The following FRMD4A variants were observed in gnomAD, a reference collection of about 807,000 sequenced individuals.
FRMD4A encodes the protein FERM domain-containing protein 4A.
FRMD4A carries 29 observed loss-of-function variants against 129.1 expected under a neutral mutation model. The observed-to-expected ratio is 0.22, with a 90% CI of 0.17 to 0.31. The LOEUF is 0.31. Among genes scored for constraint, FRMD4A ranks in the 10% least tolerant of loss-of-function variants. The probability of loss-of-function intolerance (pLI) is 1.00; values close to 1 mark genes in which losing one functional copy is unlikely to be tolerated. For synonymous variants in FRMD4A, 634 were observed against 571.6 expected, an observed-to-expected ratio of 1.11 and a Z score of -1.56; for missense variants, 1,272 against 1,375.8, an observed-to-expected ratio of 0.92 and a Z score of 1.19.
chr10:14,031,465 A>C (rs1461494998), intron 2 of FRMD4A, among the ~76,000 whole-genome samples: 3 of 152,134 alleles, frequency 2.0e-5, no homozygotes, highest in African/African-American at 7.2e-5. Flanking sequence ...ATGGGGGTTC[A>C]CCATGTTGGT....
chr10:13,836,902 C>T (rs2093884120), intron 3 of FRMD4A, among the ~76,000 whole-genome samples: 1 of 152,038 alleles, frequency 6.6e-6, no homozygotes, highest in Non-Finnish European at 1.5e-5. Context: ...GGACTACAGG[C>T]ACCCGCCACC....
chr10:13,857,029 T>C (rs2094223361), intron 3 of FRMD4A, among the ~76,000 whole-genome samples: 1 of 152,172 alleles, frequency 6.6e-6, no homozygotes, highest in Non-Finnish European at 1.5e-5. Flanking sequence ...CTCACTCAAT[T>C]TGATGGTTTC....
chr10:14,202,856 T>A (rs979127923), intron 2 of FRMD4A, among the ~76,000 whole-genome samples: 5 of 152,176 alleles, frequency 3.3e-5, no homozygotes, highest in Non-Finnish European at 5.9e-5. Context: ...CAATGTAACC[T>A]TGACCTCCCA....
At chr10:14,239,326 T>G (rs1472649714) in intron 2 of FRMD4A, among the ~76,000 whole-genome samples, 1 of 152,192 alleles carries the variant, frequency 6.6e-6, no homozygotes, top group Admixed American at 6.5e-5. Flanking sequence ...AGAATTGTTC[T>G]TTTAAAACTG....
rs1396626308 is a variant in FRMD4A at position 13,666,242 on chromosome 10, G to A, written c.1458C>T (p.Pro486=). The change falls in exon 18 of 25, where the codon CCC becomes CCT. Residue 486 remains proline, a synonymous_variant. Coordinates refer to ENST00000357447, the MANE Select transcript of FRMD4A (RefSeq NM_018027.5). ...TEAARRLASD[P]NVSKKLKKQR... is the part of the protein sequence containing the mutation. ...GTTTCTTCAGTTTTTTGCTGACGTT[G>A]GGGTCACTGGCTAGGCGGCGGGCGG... 7 of 1,613,902 alleles carry A rather than the reference G, an allele frequency of 4.3e-6. No individual in the cohort carries two copies. In the East Asian group the frequency reaches 1.1e-4, roughly 26 times the overall value.
chr10:14,059,020 C>CAA lies in FRMD4A; in HGVS notation c.46-200110_46-200109dup, dbSNP rs143385808. The stretch of plus-strand genomic sequence containing the variant: ...CATTTGGATATAACTGAGGAGAAAA[C>CAA]AAAAAAAAATGCAAAGCATACCTTC... On this transcript the variant is annotated intron_variant, in intron 2 of 24. Transcript: ENST00000357447. Among the ~76,000 whole-genome samples, 6 of 149,334 alleles carry CAA rather than the reference C, an allele frequency of 4.0e-5. No individual in the cohort carries two copies. The East Asian group carries it at 9.8e-4, about 24-fold the overall frequency.
chr10:14,127,960 TTCTTTCTTTCTTTCTTTCCTTCTCTC>T (rs1302058608), intron 2 of FRMD4A, among the ~76,000 whole-genome samples: 5 of 31,950 alleles, frequency 1.6e-4, no homozygotes, highest in Middle Eastern at 9.6e-3. Flanking sequence ...CTTTCTTTCT[TTCTTTCTTTCTTTCTTTCCTTCTCTC>T]TCTCTCTCTC....
chr10:13,951,971 T>C (rs1054557480), intron 2 of FRMD4A, among the ~76,000 whole-genome samples: 1 of 149,578 alleles, frequency 6.7e-6, no homozygotes, highest in African/African-American at 2.4e-5. Flanking sequence ...GGGGCAAATA[T>C]CTGTTCTCTT....
chr10:13,647,488 G>A (rs2081200091), intron 24 of FRMD4A: 1 of 151,916 alleles, frequency 6.6e-6, no homozygotes, highest in Admixed American at 6.5e-5. Context: ...ACAGCTGCCC[G>A]GGTTGTCCTC....
intron 2 of FRMD4A, among the ~76,000 whole-genome samples, chr10:13,985,091 T>C (rs577803511): frequency 1.3e-5 from 2 of 152,376 alleles, no homozygotes; most frequent in Non-Finnish European, 2.9e-5. Context: ...GGGCTTCAGG[T>C]AACCCTGTGC....
intron 9 of FRMD4A, among the ~76,000 whole-genome samples, chr10:13,745,765 A>T (rs1159782763): frequency 6.6e-6 from 1 of 152,212 alleles, no homozygotes; most frequent in Non-Finnish European, 1.5e-5. Context: ...TCAGAGGCAA[A>T]GAGATTCCTC....
intron 2 of FRMD4A, among the ~76,000 whole-genome samples, chr10:13,977,497 A>C (rs1176529310): frequency 6.6e-6 from 1 of 152,218 alleles, no homozygotes; most frequent in East Asian, 1.9e-4. Flanking sequence ...AAAATACCTT[A>C]TTGAGATATA....
intron 2 of FRMD4A, among the ~76,000 whole-genome samples, chr10:14,209,371 C>A (rs114134119): frequency 6.6e-6 from 1 of 152,138 alleles, no homozygotes; most frequent in South Asian, 2.1e-4. Context: ...AAAAAGAAAT[C>A]TGTACATGTA....
intron 9 of FRMD4A, among the ~76,000 whole-genome samples, chr10:13,746,018 G>C (rs182104281): frequency 6.6e-6 from 1 of 152,150 alleles, no homozygotes; most frequent in Non-Finnish European, 1.5e-5. Flanking sequence ...TGCTCTTTGG[G>C]GGCAGGTTAT....
At chr10:14,104,802 G>T (rs970022718) in intron 2 of FRMD4A, among the ~76,000 whole-genome samples, 1 of 152,242 alleles carries the variant, frequency 6.6e-6, no homozygotes, top group African/African-American at 2.4e-5. Context: ...ACTGTGTGTG[G>T]TTCTCCCATC....
chr10:14,302,898 A>G (rs1223413249), intron 2 of FRMD4A, among the ~76,000 whole-genome samples: 1 of 152,096 alleles, frequency 6.6e-6, no homozygotes, highest in African/African-American at 2.4e-5. Context: ...GAAAAGGGGG[A>G]CTCTCAAAAG....
At chr10:13,721,366 C>T (rs577598655) in intron 12 of FRMD4A, among the ~76,000 whole-genome samples, 30 of 152,132 alleles carry the variant, frequency 2.0e-4, no homozygotes, top group African/African-American at 6.0e-4. Flanking sequence ...CCTGTAGTCC[C>T]GGCTACTCAG....
At chr10:13,731,121 C>T (rs563506785) in intron 12 of FRMD4A, among the ~76,000 whole-genome samples, 44 of 152,234 alleles carry the variant, frequency 2.9e-4, no homozygotes, top group African/African-American at 1.0e-3. Context: ...CCGTCAGCAC[C>T]GTACTTGGAT....
At chr10:13,799,186 C>G (rs2093196263) in intron 4 of FRMD4A, among the ~76,000 whole-genome samples, 1 of 152,230 alleles carries the variant, frequency 6.6e-6, no homozygotes, top group South Asian at 2.1e-4. Flanking sequence ...TAGATGGAGT[C>G]TTGCTCTGTT....
Sources: allele counts gnomAD v4.1 joint callset (sites outside exome capture counted in the v4.1 genomes callset), GRCh38; gene constraint gnomAD v4.1.1; transcripts MANE v1.5; gene names NCBI Gene and HGNC (gene_info 2026-07-23, HGNC 2026-07-21).